The following TENM4 variants were observed in gnomAD, a reference collection of about 807,000 sequenced individuals.
The protein encoded by TENM4 is teneurin transmembrane protein 4.
A neutral mutation model predicts 243.3 loss-of-function variants in TENM4; 82 were observed. The observed-to-expected ratio is 0.34, with a 90% CI of 0.28 to 0.40. The LOEUF is 0.40. Ranked by LOEUF, TENM4 falls within the 10% of genes least tolerant of loss-of-function variation. The pLI, the probability that TENM4 is intolerant of heterozygous loss-of-function variation, is 1.00. For synonymous variants in TENM4, 1,412 were observed against 1,456.3 expected (o/e 0.97, Z 0.69); for missense variants, 3,138 against 3,673.3 (o/e 0.85, Z 3.77).
At chr11:79,294,528 G>T (rs1412225323) in intron 2 of TENM4, among the ~76,000 whole-genome samples, 1 of 152,166 alleles carries the variant, frequency 6.6e-6, no homozygotes, top group East Asian at 1.9e-4. Flanking sequence ...ATCTCACAGA[G>T]AATGTGAGTA....
At chr11:79,109,420 T>G (rs1179324791) in intron 4 of TENM4, among the ~76,000 whole-genome samples, 1 of 151,996 alleles carries the variant, frequency 6.6e-6, no homozygotes, top group Non-Finnish European at 1.5e-5. Flanking sequence ...TTTGAAGCAG[T>G]GATTCTCCTT....
intron 4 of TENM4, among the ~76,000 whole-genome samples, chr11:79,145,749 A>G (rs771474141): frequency 6.6e-6 from 1 of 152,114 alleles, no homozygotes; most frequent in Non-Finnish European, 1.5e-5. Flanking sequence ...TTCAGCTAAC[A>G]GTGTGTAAGT....
At chr11:79,040,981 T>C (rs11237697) in intron 6 of TENM4, among the ~76,000 whole-genome samples, 125,346 of 151,938 alleles carry the variant, frequency 0.82, 52,248 homozygotes, top group African/African-American at 0.89. Context: ...GGTTAAGAAA[T>C]GAAAATACAA....
chr11:78,713,539 C>G (rs1377748098), intron 25 of TENM4, among the ~76,000 whole-genome samples: 1 of 152,192 alleles, frequency 6.6e-6, no homozygotes, highest in African/African-American at 2.4e-5. Context: ...TCAGAACAGT[C>G]TGGGTTCCAA....
chr11:79,382,329 A>T (rs539905167), intron 1 of TENM4, among the ~76,000 whole-genome samples: 2 of 152,290 alleles, frequency 1.3e-5, no homozygotes, highest in East Asian at 3.9e-4. Context: ...GGCTTCAGAC[A>T]CATGCTCTTT....
chr11:79,369,571 C>T (rs1293961877), intron 1 of TENM4, among the ~76,000 whole-genome samples: 2 of 152,208 alleles, frequency 1.3e-5, no homozygotes, highest in Admixed American at 6.5e-5. Flanking sequence ...TCCTCATTCT[C>T]TGCCAGATTT....
intron 21 of TENM4, 70 bp downstream of exon 21, chr11:78,732,246 C>T (rs1012748969): frequency 8.3e-5 from 127 of 1,528,150 alleles, no homozygotes; most frequent in Non-Finnish European, 1.1e-4. Context: ...TTTCCACTGT[C>T]TCTGAGATCC....
At chr11:79,288,045 GA>G (rs1471789831) in intron 2 of TENM4, among the ~76,000 whole-genome samples, 4 of 152,204 alleles carry the variant, frequency 2.6e-5, no homozygotes, top group Admixed American at 2.6e-4. Flanking sequence ...AAAAGCAAAA[GA>G]CCTCTCTACC....
intron 2 of TENM4, among the ~76,000 whole-genome samples, chr11:79,237,129 T>G (rs895715429): frequency 1.3e-5 from 2 of 152,200 alleles, no homozygotes; most frequent in Non-Finnish European, 2.9e-5. Context: ...ACTAAGAACA[T>G]TGACTGAGCC....
In TENM4 at chr11:78,655,726, G is replaced by C. The variant is rs1023322125; in HGVS notation, c.*2332C>G. ...GGTCTTCACTGATGTCAGGCAGCCA[G>C]GATGGGACTGATCAACTGGGCAGGA... is the stretch of plus-strand genomic sequence containing the variant. On this transcript the variant is annotated 3_prime_UTR_variant, in exon 34 of 34. Coordinates refer to ENST00000278550, the MANE Select transcript of TENM4 (RefSeq NM_001098816.3). 3.3e-5 allele frequency: 5 copies of C among 152,276 alleles called. No homozygotes were observed. Among genetic ancestry groups the C allele is most frequent in the Non-Finnish European group, 7.3e-5 (5 of 68,116 alleles). The allele number at this position is 152,276 out of a possible 1,614,324, so 9.4% of individuals were successfully genotyped here.
intron 2 of TENM4, among the ~76,000 whole-genome samples, chr11:79,247,278 A>G (rs1473362263): frequency 6.6e-6 from 1 of 151,934 alleles, no homozygotes; most frequent in Non-Finnish European, 1.5e-5. Context: ...TTAGCCGGGC[A>G]TGGTGGCAAG....
At chr11:79,413,799 A>C (rs1331780649) in intron 1 of TENM4, among the ~76,000 whole-genome samples, 1 of 152,230 alleles carries the variant, frequency 6.6e-6, no homozygotes, top group Non-Finnish European at 1.5e-5. Flanking sequence ...TATTGTGGTT[A>C]TGTAGAAGAA....
At chr11:79,174,276 CGTT>C (rs1381254306) in intron 3 of TENM4, among the ~76,000 whole-genome samples, 1 of 151,946 alleles carries the variant, frequency 6.6e-6, no homozygotes, top group Non-Finnish European at 1.5e-5. Context: ...AAAGGTGAAA[CGTT>C]GTACATGATG....
Position 78,812,075 on chromosome 11 carries a change from C to T in TENM4, c.1978+47G>A, listed in dbSNP as rs187470991. 55 of 1,531,340 alleles carry T rather than the reference C, an allele frequency of 3.6e-5. No homozygotes were observed. In the African/African-American group the frequency reaches 6.4e-4, roughly 18 times the overall value. 94.9% of individuals were successfully genotyped at this position (1,531,340 alleles called of 1,614,324 possible). A position where few individuals can be genotyped will look rare whatever the true frequency, so the allele number is the denominator to read the frequency against. ...TCACCCTCTTGGCACTATATGCCAG[C>T]CTCTATCTCAGAGGAAGGTGCCGGA... On this transcript the variant is annotated intron_variant, in intron 14 of 33. Coordinates refer to ENST00000278550, the MANE Select transcript of TENM4 (RefSeq NM_001098816.3).
rs79260398 is a variant in TENM4, at chr11:78,677,617, A to T, written c.5261-1230T>A. ...TAACAATGTTTTTTATAACAAGGTG[A>T]AAAATAACTTTGACACTTAAACCAC... On this transcript the variant is annotated intron_variant, in intron 29 of 33. Transcript: ENST00000278550. Among the ~76,000 whole-genome samples the T allele has an allele frequency of 9.4e-3, 1,425 of 151,338 alleles. 22 individuals are homozygous for T. Among genetic ancestry groups the T allele is most frequent in the African/African-American group, 0.032 (1,315 of 41,330 alleles).
At chr11:79,425,674 G>C (rs191180520) in intron 1 of TENM4, among the ~76,000 whole-genome samples, 3 of 152,190 alleles carry the variant, frequency 2.0e-5, no homozygotes. Context: ...CACAGTAGGG[G>C]CACAAATGGC....
chr11:79,044,059 T>C (rs1239110740), intron 6 of TENM4, among the ~76,000 whole-genome samples: 1 of 152,208 alleles, frequency 6.6e-6, no homozygotes, highest in Non-Finnish European at 1.5e-5. Flanking sequence ...TGGGGATTCC[T>C]GAGCTCCCTG....
At chr11:79,252,565 C>T (rs1359870921) in intron 2 of TENM4, among the ~76,000 whole-genome samples, 2 of 152,126 alleles carry the variant, frequency 1.3e-5, no homozygotes, top group Non-Finnish European at 2.9e-5. Flanking sequence ...AGTTTGTCGG[C>T]CAGAAAACTA....
intron 16 of TENM4, among the ~76,000 whole-genome samples, chr11:78,779,923 C>T (rs1229244130): frequency 1.3e-5 from 2 of 152,190 alleles, no homozygotes; most frequent in Non-Finnish European, 2.9e-5. Flanking sequence ...TATATATTAG[C>T]CTCAAAGACT....
Sources: allele counts gnomAD v4.1 joint callset (sites outside exome capture counted in the v4.1 genomes callset), GRCh38; gene constraint gnomAD v4.1.1; transcripts MANE v1.5; gene names NCBI Gene and HGNC (gene_info 2026-07-23, HGNC 2026-07-21).